ATRNL1: variants seen among roughly 807,000 people sequenced by gnomAD.
ATRNL1 encodes the protein attractin-like protein 1.
Under a neutral mutation model 182.7 loss-of-function variants are expected in ATRNL1, and 95 were observed. The observed-to-expected ratio is 0.52, with a 90% CI of 0.44 to 0.62. ATRNL1 has a LOEUF of 0.62. ATRNL1 is among the 20% of genes least tolerant of loss of function. ATRNL1 has a pLI of 0.00. For missense variants in ATRNL1, 1,471 were observed against 1,679.5 expected (o/e 0.88, Z 2.17); for synonymous variants, 576 against 568.3 (o/e 1.01, Z -0.19).
chr10:115,667,100 T>G (rs1169715798), intron 26 of ATRNL1, among the ~76,000 whole-genome samples: 2 of 152,090 alleles, frequency 1.3e-5, no homozygotes, highest in Non-Finnish European at 2.9e-5. Flanking sequence ...GGTCCACTCT[T>G]CACTGCTGTC....
intron 28 of ATRNL1, among the ~76,000 whole-genome samples, chr10:115,919,028 G>A (rs536826476): frequency 6.6e-5 from 10 of 152,106 alleles, no homozygotes; most frequent in Non-Finnish European, 1.2e-4. Context: ...CCATCTCAAA[G>A]CCCTGACTCA....
intron 26 of ATRNL1, among the ~76,000 whole-genome samples, chr10:115,719,857 C>A (rs928086062): frequency 7.1e-6 from 1 of 141,442 alleles, no homozygotes; most frequent in South Asian, 2.4e-4. Context: ...CCCCCCCACA[C>A]ACTCTTTTTT....
intron 1 of ATRNL1, among the ~76,000 whole-genome samples, chr10:115,098,756 C>T (rs2085085921): frequency 6.6e-6 from 1 of 152,010 alleles, no homozygotes; most frequent in Non-Finnish European, 1.5e-5. Flanking sequence ...TGCGCCTGGC[C>T]ACTTAAATAC....
intron 27 of ATRNL1, among the ~76,000 whole-genome samples, chr10:115,773,796 T>C (rs1555077064): frequency 6.6e-6 from 1 of 152,218 alleles, no homozygotes; most frequent in African/African-American, 2.4e-5. Context: ...TTGTAAATGC[T>C]CAACACAAAT....
chr10:115,513,484 T>C (rs1304296553), intron 24 of ATRNL1, among the ~76,000 whole-genome samples: 2 of 151,978 alleles, frequency 1.3e-5, no homozygotes, highest in Non-Finnish European at 2.9e-5. Flanking sequence ...TTTTCACTGC[T>C]AGCTTTTATT....
chr10:115,580,443 T>C (rs1346608751), intron 26 of ATRNL1, among the ~76,000 whole-genome samples: 4 of 152,120 alleles, frequency 2.6e-5, no homozygotes, highest in African/African-American at 9.6e-5. Context: ...GTAATGTTTC[T>C]ACTGAAAAAT....
In ATRNL1 at chr10:115,571,685, T is replaced by G. The variant is rs11815627; in HGVS notation, c.3795+22149T>G. ...TTTGTGACTTTCTGGAGAAAATAGC[T>G]TGGTATATTTATTGTTAGAGTTAAA... On this transcript the variant is annotated intron_variant, in intron 26 of 28. Coordinates refer to ENST00000355044, the MANE Select transcript of ATRNL1 (RefSeq NM_207303.4). Among the ~76,000 whole-genome samples, 1,360 of 152,332 alleles carry G rather than the reference T, an allele frequency of 8.9e-3. 23 individuals are homozygous for G. The highest frequency in any genetic ancestry group is 0.031 in the African/African-American group (1,279 of 41,568).
At position 115,305,954 on chromosome 10, in the gene ATRNL1, A is replaced by AT. The variant is rs781895367; in HGVS notation, c.2818+3913dup. ...TTAATCTTATATTTTTCTTTATGTA[A>AT]TTGTATGTGTGTTATATTTCACAAT... On this transcript the variant is annotated intron_variant, in intron 17 of 28. Transcript: ENST00000355044. Among the ~76,000 whole-genome samples the AT allele has an allele frequency of 1.9e-4, 29 of 152,134 alleles. 1 individual carries two copies. Among genetic ancestry groups the AT allele is most frequent in the Non-Finnish European group, 3.7e-4 (25 of 68,026 alleles).
At chr10:115,853,271 A>T (rs1410472868) in intron 28 of ATRNL1, among the ~76,000 whole-genome samples, 1 of 152,208 alleles carries the variant, frequency 6.6e-6, no homozygotes, top group Admixed American at 6.5e-5. Flanking sequence ...AAAAATAATT[A>T]GCATTGCTCC....
intron 8 of ATRNL1, among the ~76,000 whole-genome samples, chr10:115,203,252 C>T (rs934318312): frequency 1.3e-5 from 2 of 152,062 alleles, no homozygotes; most frequent in African/African-American, 4.8e-5. Context: ...ACTCCACCAA[C>T]AAATGTAAAC....
chr10:115,559,454 A>ACGCG (rs71010027), intron 26 of ATRNL1, among the ~76,000 whole-genome samples: 27,039 of 135,316 alleles, frequency 0.2, 3,049 homozygotes, highest in South Asian at 0.28. Flanking sequence ...GCGCGCGCGC[A>ACGCG]CGCACGCACA....
intron 20 of ATRNL1, among the ~76,000 whole-genome samples, chr10:115,396,933 T>A (rs1305645037): frequency 3.9e-5 from 6 of 151,940 alleles, no homozygotes; most frequent in Admixed American, 3.9e-4. Context: ...AAAGTACATT[T>A]TCCCCGTTCT....
At chr10:115,863,173 G>GA (rs1407874504) in intron 28 of ATRNL1, among the ~76,000 whole-genome samples, 5 of 152,118 alleles carry the variant, frequency 3.3e-5, no homozygotes, top group African/African-American at 9.7e-5. Flanking sequence ...CTGACCCTTA[G>GA]AAAAAACCTG....
intron 24 of ATRNL1, among the ~76,000 whole-genome samples, chr10:115,509,107 A>G (rs1576152): frequency 0.45 from 68,925 of 151,766 alleles, 16,137 homozygotes; most frequent in Middle Eastern, 0.53. Flanking sequence ...CCTATGTTCT[A>G]TAAATGGAAC....
In ATRNL1 at chr10:115,170,983, T is replaced by C. The variant is rs558935409; in HGVS notation, c.1093-54T>C. Reference sequence around the variant, plus strand: ...ATTTAACCTTTATTTTTAATTAATATGTGTTAAGATATAACATTATTTTAT... The same window carrying C: ...ATTTAACCTTTATTTTTAATTAATACGTGTTAAGATATAACATTATTTTAT... On this transcript the variant is annotated intron_variant, in intron 7 of 28. Coordinates refer to ENST00000355044, the MANE Select transcript of ATRNL1 (RefSeq NM_207303.4). 105 of 1,018,322 alleles carry C rather than the reference T, an allele frequency of 1.0e-4. No individual in the cohort carries two copies. In the Middle Eastern group the frequency reaches 3.3e-3, roughly 32 times the overall value. 63.1% of individuals were successfully genotyped at this position (1,018,322 alleles called of 1,614,324 possible). A position where few individuals can be genotyped will look rare whatever the true frequency, so the allele number is the denominator to read the frequency against.
Position 115,672,577 on chromosome 10 carries a change from C to G in ATRNL1, c.3796-54671C>G, listed in dbSNP as rs749062557. Among the ~76,000 whole-genome samples the G allele has an allele frequency of 3.9e-5, 6 of 152,084 alleles. No individual in the cohort carries two copies. The South Asian group carries it at 1.2e-3, about 32-fold the overall frequency. On this transcript the variant is annotated intron_variant, in intron 26 of 28. Transcript: ENST00000355044. ...AGGCAATAGTATTAAGTTAGGCAAA[C>G]GTAAGCTGAATGTTGAGAAGTTAAG...
chr10:115,248,940 TTCTG>T (rs58647636), intron 10 of ATRNL1, among the ~76,000 whole-genome samples: 1 of 152,310 alleles, frequency 6.6e-6, no homozygotes, highest in African/African-American at 2.4e-5. Context: ...TATGTGTACT[TTCTG>T]TCTTATTTCA....
At chr10:115,457,345 C>T (rs1353098943) in intron 21 of ATRNL1, among the ~76,000 whole-genome samples, 3 of 151,976 alleles carry the variant, frequency 2.0e-5, no homozygotes, top group Non-Finnish European at 2.9e-5. Context: ...GCATCATACA[C>T]CAGGAACCAA....
chr10:115,628,329 A>G (rs1270284859), intron 26 of ATRNL1, among the ~76,000 whole-genome samples: 1 of 152,134 alleles, frequency 6.6e-6, no homozygotes, highest in South Asian at 2.1e-4. Context: ...AATAACTAAT[A>G]ATGTTGAACA....
Sources: gnomAD v4.1 joint callset for allele counts (sites outside exome capture counted in the v4.1 genomes callset) on GRCh38, gnomAD v4.1.1 for gene constraint, MANE v1.5 for transcripts, NCBI Gene and HGNC (gene_info 2026-07-23, HGNC 2026-07-21) for gene names.